Variants in LRRC39 observed in about 807,000 individuals in gnomAD.
LRRC39 encodes leucine rich repeat containing 39.
Under a neutral mutation model 39.7 loss-of-function variants are expected in LRRC39, and 35 were observed. The ratio of observed to expected loss-of-function variants is 0.88; its 90% CI spans 0.67 to 1.17. The LOEUF (loss-of-function observed/expected upper bound fraction) is 1.17, where lower values mean the gene tolerates loss of function less well. LRRC39 is among the 50% of genes most tolerant of loss of function. LRRC39 has a pLI of 0.00. For missense variants in LRRC39, 357 were observed against 385.8 expected, an observed-to-expected ratio of 0.93 and a Z score of 0.62; for synonymous variants, 113 against 134.1, an observed-to-expected ratio of 0.84 and a Z score of 1.09.
chr1:100,168,651 G>C (rs1659407103), intron 2 of LRRC39, 57 bp from the exon 3 acceptor site: 5 of 623,384 alleles, frequency 8.0e-6, no homozygotes, highest in Non-Finnish European at 1.4e-5. Context: ...GTACCATAAT[G>C]ATCATAATAG....
chr1:100,168,509 T>C lies in LRRC39; in HGVS notation c.8A>G (p.Glu3Gly), dbSNP rs367779847. The change falls in exon 3 of 10, where the codon GAA (glutamate) becomes GGA (glycine). Residue 3 changes from glutamate to glycine, a missense_variant. Glu to Gly is a moderately conservative substitution (Grantham distance 98). Transcript: ENST00000370137. MT[E>G]NVVCTGAVNA... Reference sequence around the variant, plus strand: ...GACAGCCCCAGTACAAACCACATTTTCTGTCATGATTTCTCCACATTGTCA... The same window carrying C: ...GACAGCCCCAGTACAAACCACATTTCCTGTCATGATTTCTCCACATTGTCA... 5.0e-6 allele frequency: 8 copies of C among 1,608,290 alleles called. No homozygotes were observed. The African/African-American group carries it at 1.1e-4, about 22-fold the overall frequency.
chr1:100,159,589 CT>C (rs147980704), intron 4 of LRRC39, among the ~76,000 whole-genome samples, 174 bp from the exon 5 acceptor site: 5,258 of 122,754 alleles, frequency 0.043, 236 homozygotes, highest in African/African-American at 0.12. Flanking sequence ...AAGATCTTTC[CT>C]TTTTTTTTTC....
chr1:100,174,181 T>C (rs1659812177), intron 1 of LRRC39, among the ~76,000 whole-genome samples: 1 of 152,226 alleles, frequency 6.6e-6, no homozygotes, highest in Non-Finnish European at 1.5e-5. Context: ...TCAAGATCTC[T>C]TTTAAAGCTA....
chr1:100,173,377 GAGAA>G lies in LRRC39; in HGVS notation c.-118-11_-118-8del, dbSNP rs1282837315. On this transcript the variant is annotated splice_polypyrimidine_tract_variant and splice_region_variant and intron_variant, in intron 1 of 9. Transcript: ENST00000370137. Reference sequence around the variant, plus strand: ...ATGTAATATTCTGAATAGACTAGAAGAGAAAGAAAATATGATCATTCCAATAGAT... The same window carrying G: ...ATGTAATATTCTGAATAGACTAGAAGAGAAAATATGATCATTCCAATAGAT... 1.3e-5 allele frequency: 2 copies of G among 152,118 alleles called. No homozygotes were observed. Among genetic ancestry groups the G allele is most frequent in the African/African-American group, 2.4e-5 (1 of 41,432 alleles). The allele number at this position is 152,118 out of a possible 1,614,324, so 9.4% of individuals were successfully genotyped here.
chr1:100,159,600 CTTTTCCTTT>C (rs1397182115), intron 4 of LRRC39, among the ~76,000 whole-genome samples, 185 bp from the exon 5 acceptor site: 150 of 72,690 alleles, frequency 2.1e-3, no homozygotes, highest in African/African-American at 7.3e-3. Flanking sequence ...TTTTTTTTTT[CTTTTCCTTT>C]TTTTTTTTTT....
rs1199574364 is a variant in LRRC39, at chr1:100,148,891, AAAT to A, written c.*148_*150del. On this transcript the variant is annotated 3_prime_UTR_variant, in exon 10 of 10. Transcript: ENST00000370137. ...TTTTAATTATATTTTTATATCAAAA[AAAT>A]ATATACTTTAAATAGCAAATAATAT... The A allele has an allele frequency of 4.4e-6, 5 of 1,123,902 alleles. No individual in the cohort carries two copies. In the African/African-American group the frequency reaches 8.2e-5, roughly 18 times the overall value. 69.6% of individuals were successfully genotyped at this position (1,123,902 alleles called of 1,614,324 possible). A position where few individuals can be genotyped will look rare whatever the true frequency, so the allele number is the denominator to read the frequency against.
At chr1:100,152,677 A>C (rs1658141093) in intron 8 of LRRC39, among the ~76,000 whole-genome samples, 153 bp from the exon 9 acceptor site, 1 of 152,170 alleles carries the variant, frequency 6.6e-6, no homozygotes, top group Non-Finnish European at 1.5e-5. Flanking sequence ...ATATCTCAAG[A>C]ATCTTATGTT....
At chr1:100,155,021 T>C (rs755777405) in intron 8 of LRRC39, 30 bp downstream of exon 8, 1 of 1,517,550 alleles carries the variant, frequency 6.6e-7, no homozygotes, top group South Asian at 1.3e-5. Context: ...GAAAGCAAGG[T>C]TTTTCAGTTT....
chr1:100,156,303 T>C lies in LRRC39; in HGVS notation c.528A>G (p.Leu176=). ...TACTCAGATCAAGGTGAGTAAGTTT[T>C]AGCAGATTGCTGAGCTGAAGAAGAA... ...CDLPQELSNL[L]KLTHLDLSMN... is the part of the protein sequence containing the mutation. The change falls in exon 7 of 10, where the codon CTA becomes CTG. Residue 176 remains leucine, a synonymous_variant. Coordinates refer to ENST00000370137, the MANE Select transcript of LRRC39 (RefSeq NM_144620.4). 1 of 1,609,350 alleles carries C rather than the reference T, an allele frequency of 6.2e-7. No homozygotes were observed. Among genetic ancestry groups the C allele is most frequent in the South Asian group, 1.1e-5 (1 of 90,342 alleles).
intron 9 of LRRC39, 40 bp from the exon 10 acceptor site, chr1:100,149,137 TTC>T (rs779036685): frequency 5.7e-6 from 9 of 1,570,898 alleles, no homozygotes; most frequent in Middle Eastern, 1.8e-4. Context: ...ATTAGCGTAT[TTC>T]TGTTTGTATT....
chr1:100,153,817 G>A (rs984521189), intron 8 of LRRC39, among the ~76,000 whole-genome samples: 5 of 151,924 alleles, frequency 3.3e-5, no homozygotes, highest in African/African-American at 9.7e-5. Flanking sequence ...GTACAGTGGC[G>A]CAATCTTGGC....
intron 1 of LRRC39, among the ~76,000 whole-genome samples, chr1:100,176,173 C>A (rs765918187): frequency 1.3e-5 from 2 of 152,174 alleles, no homozygotes; most frequent in Admixed American, 6.5e-5. Context: ...TGGCTCACGC[C>A]TGTAATCCCA....
At chr1:100,173,587 T>C (rs1194407603) in intron 1 of LRRC39, among the ~76,000 whole-genome samples, 2 of 152,204 alleles carry the variant, frequency 1.3e-5, no homozygotes, top group African/African-American at 4.8e-5. Flanking sequence ...CTCTCACTAC[T>C]TCCATTCAAT....
chr1:100,175,981 A>T (rs1659931165), intron 1 of LRRC39, among the ~76,000 whole-genome samples: 1 of 152,214 alleles, frequency 6.6e-6, no homozygotes, highest in South Asian at 2.1e-4. Flanking sequence ...ATACTTATGT[A>T]CTAATATTGA....
intron 2 of LRRC39, among the ~76,000 whole-genome samples, chr1:100,171,037 C>G (rs533824041): frequency 6.6e-6 from 1 of 152,092 alleles, no homozygotes; most frequent in Non-Finnish European, 1.5e-5. Flanking sequence ...ATTTAATCCA[C>G]AAGAAATATA....
intron 1 of LRRC39, among the ~76,000 whole-genome samples, chr1:100,174,609 T>C (rs1659840256): frequency 6.6e-6 from 1 of 152,164 alleles, no homozygotes; most frequent in African/African-American, 2.4e-5. Context: ...ATGGGAATAA[T>C]TTTTTAAGAG....
At chr1:100,151,730 G>T (rs1658049466) in intron 9 of LRRC39, among the ~76,000 whole-genome samples, 1 of 152,122 alleles carries the variant, frequency 6.6e-6, no homozygotes, top group Non-Finnish European at 1.5e-5. Context: ...AATTATCAGA[G>T]ACTAAGTGAT....
intron 4 of LRRC39, among the ~76,000 whole-genome samples, chr1:100,160,020 T>C (rs906669136): frequency 2.0e-5 from 3 of 152,154 alleles, no homozygotes; most frequent in East Asian, 3.8e-4. Context: ...TTGTAAAAAT[T>C]AGAGTATGCC....
chr1:100,155,273 T>C (rs1397342742), intron 7 of LRRC39, 70 bp from the exon 8 acceptor site: 1 of 1,341,562 alleles, frequency 7.5e-7, no homozygotes, highest in Non-Finnish European at 9.9e-7. Flanking sequence ...TTTTAACAAA[T>C]AATTTTAAGA....
Sources: allele counts gnomAD v4.1 joint callset (sites outside exome capture counted in the v4.1 genomes callset), GRCh38; gene constraint gnomAD v4.1.1; transcripts MANE v1.5; gene names NCBI Gene and HGNC (gene_info 2026-07-23, HGNC 2026-07-21).